CNTN5: variants seen among roughly 807,000 people sequenced by gnomAD.
The protein encoded by CNTN5 is contactin-5.
A neutral mutation model predicts 129.1 loss-of-function variants in CNTN5; 77 were observed. The observed-to-expected ratio is 0.60, with a 90% CI of 0.50 to 0.72. CNTN5 has a LOEUF of 0.72. CNTN5 is among the 30% of genes least tolerant of loss of function. CNTN5 has a pLI of 0.00. For missense variants in CNTN5, 1,478 were observed against 1,328.8 expected (o/e 1.11, Z -1.75); for synonymous variants, 509 against 465.6 (o/e 1.09, Z -1.20).
intron 4 of CNTN5, among the ~76,000 whole-genome samples, chr11:99,828,589 G>A (rs146522954): frequency 8.4e-4 from 128 of 152,200 alleles, no homozygotes; most frequent in African/African-American, 3.0e-3. Context: ...AATCATAGCC[G>A]ATACCCTATG....
At chr11:99,313,145 A>G (rs1347142845) in intron 1 of CNTN5, among the ~76,000 whole-genome samples, 1 of 151,108 alleles carries the variant, frequency 6.6e-6, no homozygotes, top group Admixed American at 6.6e-5. Context: ...TATTTTCTCT[A>G]GGATAATATA....
intron 3 of CNTN5, among the ~76,000 whole-genome samples, chr11:99,725,574 T>G (rs1246291486): frequency 2.6e-5 from 4 of 152,192 alleles, no homozygotes; most frequent in Admixed American, 2.6e-4. Context: ...CTTCTCTTAA[T>G]TCCTTGGAAG....
At chr11:99,997,394 A>G (rs1432350371) in intron 8 of CNTN5, among the ~76,000 whole-genome samples, 1 of 152,186 alleles carries the variant, frequency 6.6e-6, no homozygotes, top group Non-Finnish European at 1.5e-5. Flanking sequence ...CAAATAAACT[A>G]GAAAATCTAG....
At chr11:100,028,231 A>T (rs994281418) in intron 9 of CNTN5, among the ~76,000 whole-genome samples, 6 of 152,178 alleles carry the variant, frequency 3.9e-5, no homozygotes, top group Non-Finnish European at 7.4e-5. Flanking sequence ...ATTCACAAGG[A>T]CTATAACTCT....
At chr11:100,287,379 G>A (rs1207093253) in intron 18 of CNTN5, among the ~76,000 whole-genome samples, 43 of 150,916 alleles carry the variant, frequency 2.8e-4, no homozygotes, top group Non-Finnish European at 1.2e-4. Flanking sequence ...TACCCTCAAA[G>A]GGAAGCCCAT....
intron 1 of CNTN5, among the ~76,000 whole-genome samples, chr11:99,251,485 T>A (rs1263899588): frequency 2.0e-5 from 3 of 151,978 alleles, no homozygotes; most frequent in South Asian, 2.1e-4. Context: ...TCTTTTTTTT[T>A]AATGTGTAAC....
At chr11:99,536,227 G>A (rs1333245512) in intron 2 of CNTN5, among the ~76,000 whole-genome samples, 1 of 151,830 alleles carries the variant, frequency 6.6e-6, no homozygotes, top group African/African-American at 2.4e-5. Context: ...TTGATTAGAT[G>A]TAATAGACTA....
At chr11:99,478,767 A>T (rs1189587664) in intron 2 of CNTN5, among the ~76,000 whole-genome samples, 1 of 152,180 alleles carries the variant, frequency 6.6e-6, no homozygotes, top group Non-Finnish European at 1.5e-5. Context: ...CATTTTAAGA[A>T]TGCTACATGA....
intron 6 of CNTN5, among the ~76,000 whole-genome samples, chr11:99,858,396 T>C (rs1002059141): frequency 1.3e-5 from 2 of 152,030 alleles, no homozygotes; most frequent in African/African-American, 2.4e-5. Context: ...ATTACCAAAA[T>C]AAAAAATTGT....
At chr11:99,073,725 G>T (rs974926438) in intron 1 of CNTN5, among the ~76,000 whole-genome samples, 7 of 152,020 alleles carry the variant, frequency 4.6e-5, no homozygotes, top group Admixed American at 2.0e-4. Flanking sequence ...TGAAGGAAAT[G>T]AACTCATTTT....
chr11:99,613,461 T>C (rs1455685310), intron 3 of CNTN5, among the ~76,000 whole-genome samples: 2 of 152,150 alleles, frequency 1.3e-5, no homozygotes, highest in Non-Finnish European at 2.9e-5. Flanking sequence ...CTTTCCTTTA[T>C]AAATTACCCA....
chr11:99,484,742 C>T (rs1189172544), intron 2 of CNTN5, among the ~76,000 whole-genome samples: 2 of 152,002 alleles, frequency 1.3e-5, no homozygotes, highest in East Asian at 1.9e-4. Flanking sequence ...CTCTGTTACA[C>T]GAATGGAACT....
chr11:99,664,575 A>C (rs1170475903), intron 3 of CNTN5, among the ~76,000 whole-genome samples: 4 of 152,178 alleles, frequency 2.6e-5, no homozygotes, highest in African/African-American at 9.7e-5. Flanking sequence ...TTGCTATAAC[A>C]TTTTATTACA....
intron 3 of CNTN5, among the ~76,000 whole-genome samples, chr11:99,773,772 G>A (rs1242217193): frequency 6.6e-6 from 1 of 151,958 alleles, no homozygotes; most frequent in Non-Finnish European, 1.5e-5. Flanking sequence ...CTTAACTGAT[G>A]ACCCTGAGTC....
chr11:100,163,216 A>C (rs1297621028), intron 13 of CNTN5, among the ~76,000 whole-genome samples: 3 of 151,840 alleles, frequency 2.0e-5, no homozygotes, highest in Non-Finnish European at 4.4e-5. Context: ...TAAGATTGAG[A>C]CATAATAGCT....
At chr11:99,451,334 T>G (rs1169055449) in intron 2 of CNTN5, among the ~76,000 whole-genome samples, 1 of 152,114 alleles carries the variant, frequency 6.6e-6, no homozygotes, top group Non-Finnish European at 1.5e-5. Context: ...AGTTATGAGA[T>G]GAAATTCACA....
At chr11:99,901,633 T>A (rs1002222226) in intron 6 of CNTN5, among the ~76,000 whole-genome samples, 2 of 152,202 alleles carry the variant, frequency 1.3e-5, no homozygotes, top group Non-Finnish European at 2.9e-5. Context: ...AATGGTTTAT[T>A]TTTTTCTAAA....
intron 9 of CNTN5, among the ~76,000 whole-genome samples, chr11:100,031,455 G>A (rs1448772698): frequency 6.6e-6 from 1 of 152,126 alleles, no homozygotes; most frequent in Non-Finnish European, 1.5e-5. Context: ...CTTGTGGAGA[G>A]CCTATAAACG....
chr11:99,572,676 T>C (rs1224857509), intron 3 of CNTN5, among the ~76,000 whole-genome samples: 1 of 152,184 alleles, frequency 6.6e-6, no homozygotes, highest in African/African-American at 2.4e-5. Flanking sequence ...CCTCCCCTTG[T>C]CCATAGATCT....
Sources: gnomAD v4.1 joint callset for allele counts (sites outside exome capture counted in the v4.1 genomes callset) on GRCh38, gnomAD v4.1.1 for gene constraint, MANE v1.5 for transcripts, NCBI Gene and HGNC (gene_info 2026-07-23, HGNC 2026-07-21) for gene names.